Variants in CELF1 observed in about 807,000 individuals in gnomAD.
CELF1 encodes CUGBP Elav-like family member 1, also known as 50 kDa nuclear polyadenylated RNA-binding protein.
CELF1 carries 10 observed loss-of-function variants against 61.8 expected under a neutral mutation model. The observed-to-expected ratio is 0.16, with a 90% CI of 0.10 to 0.27. CELF1 has a LOEUF of 0.27. Ranked by LOEUF, CELF1 falls within the 10% of genes least tolerant of loss-of-function variation. The pLI, the probability that CELF1 is intolerant of heterozygous loss-of-function variation, is 1.00. For synonymous variants in CELF1, 236 were observed against 225.1 expected, an observed-to-expected ratio of 1.05 and a Z score of -0.43; for missense variants, 380 against 639.1, an observed-to-expected ratio of 0.59 and a Z score of 4.37.
In CELF1 at chr11:47,486,809, A is replaced by T; in HGVS notation, c.343-11T>A. 6.3e-7 allele frequency: 1 copy of T among 1,594,680 alleles called. No individual in the cohort carries two copies. The highest frequency in any genetic ancestry group is 8.6e-7 in the Non-Finnish European group (1 of 1,162,282). On this transcript the variant is annotated splice_polypyrimidine_tract_variant and intron_variant, in intron 5 of 14. Transcript: ENST00000687097. ...TATAGGGTGATGCATCTGAAAAGGA[A>T]AAATATGATTATTATCACTGTATAT...
At chr11:47,481,704 A>G (rs1338011614) in intron 9 of CELF1, among the ~76,000 whole-genome samples, 1 of 152,110 alleles carries the variant, frequency 6.6e-6, no homozygotes, top group East Asian at 1.9e-4. Context: ...TGCTGGCCCA[A>G]TTCTTTTCCA....
At chr11:47,508,521 A>G (rs2094722891) in intron 1 of CELF1, among the ~76,000 whole-genome samples, 1 of 151,536 alleles carries the variant, frequency 6.6e-6, no homozygotes, top group Admixed American at 6.6e-5. Flanking sequence ...GGGGGCTAGG[A>G]ACATTTTAAC....
chr11:47,558,680 ATATAT>A lies in CELF1; in HGVS notation c.-11+5666_-11+5670del, dbSNP rs369273799. On this transcript the variant is annotated intron_variant, in intron 2 of 3. Coordinates refer to the CELF1 transcript ENST00000525841. ...AATATATTACATAATATAATATGTAATATATTATATATAATATATGTCATAATATA... is the reference window on the plus strand; with the variant it reads ...AATATATTACATAATATAATATGTAATATATATAATATATGTCATAATATA... Among the ~76,000 whole-genome samples, 796 of 101,302 alleles carry A rather than the reference ATATAT, an allele frequency of 7.9e-3. 19 individuals carry two copies. Among genetic ancestry groups the A allele is most frequent in the East Asian group, 0.038 (155 of 4,034 alleles). 66.5% of individuals were successfully genotyped at this position (101,302 alleles called of 152,430 possible). A position where few individuals can be genotyped will look rare whatever the true frequency, so the allele number is the denominator to read the frequency against.
In CELF1 at chr11:47,552,985, C is replaced by A; in HGVS notation, c.-154+7G>T. The A allele has an allele frequency of 1.3e-5, 5 of 398,174 alleles. No homozygotes were observed. The highest frequency in any genetic ancestry group is 8.9e-6 in the Non-Finnish European group (2 of 225,804). The allele number at this position is 398,174 out of a possible 1,614,324, so 24.7% of individuals were successfully genotyped here. A position where few individuals can be genotyped will look rare whatever the true frequency, so the allele number is the denominator to read the frequency against. On this transcript the variant is annotated splice_region_variant and intron_variant, in intron 1 of 14. Transcript: ENST00000687097. ...GCGGCCCGTTATCCTGCGGCCGCAG[C>A]ACTCACCAGCGGCTGCACCTGAGCC... is the stretch of plus-strand genomic sequence containing the variant.
intron 3 of CELF1, chr11:47,494,410 T>C: frequency 1.0e-6 from 1 of 984,170 alleles, no homozygotes; most frequent in South Asian, 4.7e-5. Flanking sequence ...GGACAAGAGG[T>C]TACTTCGTCT....
upstream of CELF1, among the ~76,000 whole-genome samples, chr11:47,556,433 A>T (rs916495712): frequency 9.2e-5 from 14 of 151,990 alleles, no homozygotes; most frequent in Non-Finnish European, 1.8e-4. Context: ...AACCCTCCCC[A>T]CTCGGCCTTC....
chr11:47,509,021 C>T (rs112808705), intron 1 of CELF1, among the ~76,000 whole-genome samples: 2 of 152,238 alleles, frequency 1.3e-5, no homozygotes, highest in African/African-American at 2.4e-5. Flanking sequence ...CGCCCACCTC[C>T]GCCTCCCAAT....
rs1169035898 is a variant in CELF1 at position 47,533,807 on chromosome 11, CCCAAA to C, written c.-154+19180_-154+19184del. 2.7e-3 allele frequency among the ~76,000 whole-genome samples: 183 copies of C among 67,604 alleles called. 1 individual carries two copies. Among genetic ancestry groups the C allele is most frequent in the African/African-American group, 8.9e-3 (167 of 18,840 alleles). 44.4% of individuals were successfully genotyped at this position (67,604 alleles called of 152,430 possible). On this transcript the variant is annotated intron_variant, in intron 1 of 14. Coordinates refer to ENST00000687097, the MANE Select transcript of CELF1 (RefSeq NM_001376376.1). ...CCTGGGCAATAGAGCGAGACTCTCC[CCCAAA>C]AAAAAAAAAAAAAAAAAAAGGAATA...
Position 47,466,576 on chromosome 11 carries a change from T to C in CELF1, c.*5654A>G, listed in dbSNP as rs947371267. ...ATGTAAAGTTTCTTTTTTTTTTTCTTTTTAAATTATTCACAAAAAGCAGCT... is the reference window on the plus strand; with the variant it reads ...ATGTAAAGTTTCTTTTTTTTTTTCTCTTTAAATTATTCACAAAAAGCAGCT... On this transcript the variant is annotated 3_prime_UTR_variant, in exon 15 of 15. Transcript: ENST00000687097. 1.3e-5 allele frequency: 2 copies of C among 152,184 alleles called. No homozygotes were observed. The highest frequency in any genetic ancestry group is 4.8e-5 in the African/African-American group (2 of 41,458). The allele number at this position is 152,184 out of a possible 1,614,324, so 9.4% of individuals were successfully genotyped here.
chr11:47,512,151 T>G lies in CELF1; in HGVS notation c.-153-11219A>C, dbSNP rs541042017. ...ACAGGAGTGAGCCACTGTGCCCGGT[T>G]TTTTGTTTTGTTTTGTTTTGAGATG... On this transcript the variant is annotated intron_variant, in intron 1 of 14. Coordinates refer to ENST00000687097, the MANE Select transcript of CELF1 (RefSeq NM_001376376.1). 1.5e-4 allele frequency among the ~76,000 whole-genome samples: 23 copies of G among 151,278 alleles called. 3 individuals carry two copies. Among genetic ancestry groups the G allele is most frequent in the African/African-American group, 5.6e-4 (23 of 41,156 alleles).
At chr11:47,529,458 G>A (rs1217302901) in intron 1 of CELF1, among the ~76,000 whole-genome samples, 1 of 152,066 alleles carries the variant, frequency 6.6e-6, no homozygotes, top group African/African-American at 2.4e-5. Flanking sequence ...AGGCCGAGGC[G>A]AGAAGATCAC....
intron 9 of CELF1, among the ~76,000 whole-genome samples, chr11:47,481,637 A>C (rs2083319672): frequency 6.6e-6 from 1 of 152,176 alleles, no homozygotes; most frequent in African/African-American, 2.4e-5. Flanking sequence ...CACCATTAAT[A>C]GCCTAAGATG....
intron 1 of CELF1, among the ~76,000 whole-genome samples, chr11:47,512,417 T>G (rs1444174530): frequency 6.6e-6 from 1 of 150,880 alleles, no homozygotes; most frequent in African/African-American, 2.4e-5. Flanking sequence ...CCTCCCAAAG[T>G]GCTGGAATTA....
chr11:47,529,646 G>A (rs778921056), intron 1 of CELF1, among the ~76,000 whole-genome samples: 3 of 151,802 alleles, frequency 2.0e-5, no homozygotes, highest in African/African-American at 4.8e-5. Flanking sequence ...GCAACACAGC[G>A]AGACTCCGAC....
At chr11:47,492,985 T>C (rs1173474378) in intron 3 of CELF1, among the ~76,000 whole-genome samples, 1 of 152,208 alleles carries the variant, frequency 6.6e-6, no homozygotes, top group Non-Finnish European at 1.5e-5. Flanking sequence ...GATTGCCCCT[T>C]CCCTCTGTTG....
At chr11:47,551,741 G>A (rs1439811274) in intron 1 of CELF1, among the ~76,000 whole-genome samples, 1 of 152,142 alleles carries the variant, frequency 6.6e-6, no homozygotes, top group Non-Finnish European at 1.5e-5. Flanking sequence ...GGGCGGGGGC[G>A]GTGGCTCACG....
chr11:47,487,658 AT>A (rs2088346858), intron 4 of CELF1, among the ~76,000 whole-genome samples: 1 of 152,228 alleles, frequency 6.6e-6, no homozygotes, highest in Non-Finnish European at 1.5e-5. Flanking sequence ...CTCTCTCAGA[AT>A]AAACCACTCC....
At chr11:47,498,110 A>T (rs1596988779) in intron 3 of CELF1, among the ~76,000 whole-genome samples, 1 of 152,322 alleles carries the variant, frequency 6.6e-6, no homozygotes, top group East Asian at 1.9e-4. Context: ...AAATTACCGT[A>T]ATTTTGGAGA....
chr11:47,474,861 A>G (rs1181342615), intron 13 of CELF1, among the ~76,000 whole-genome samples: 1 of 152,164 alleles, frequency 6.6e-6, no homozygotes, highest in African/African-American at 2.4e-5. Context: ...TTCCCACTCC[A>G]TCAACTCATG....
Sources: allele counts gnomAD v4.1 joint callset (sites outside exome capture counted in the v4.1 genomes callset), GRCh38; gene constraint gnomAD v4.1.1; transcripts MANE v1.5; gene names NCBI Gene and HGNC (gene_info 2026-07-23, HGNC 2026-07-21).